The following SLC4A4 variants were observed in gnomAD, a reference collection of about 807,000 sequenced individuals.
SLC4A4 encodes the protein electrogenic sodium bicarbonate cotransporter 1.
A neutral mutation model predicts 111.5 loss-of-function variants in SLC4A4; 27 were observed. The ratio of observed to expected loss-of-function variants is 0.24; its 90% CI spans 0.18 to 0.33. The LOEUF is 0.33. Among genes scored for constraint, SLC4A4 ranks in the 10% least tolerant of loss-of-function variants. The pLI, the probability that SLC4A4 is intolerant of heterozygous loss-of-function variation, is 1.00. For missense variants in SLC4A4, 909 were observed against 1,315.5 expected (o/e 0.69, Z 4.78); for synonymous variants, 443 against 463.4 (o/e 0.96, Z 0.57).
chr4:71,421,117 C>T (rs1722433177), intron 7 of SLC4A4, among the ~76,000 whole-genome samples: 1 of 150,176 alleles, frequency 6.7e-6, no homozygotes, highest in Non-Finnish European at 1.5e-5. Context: ...CACACATAGG[C>T]TCAAAATAAA....
chr4:71,186,429 C>T (rs1745451192), upstream of SLC4A4, among the ~76,000 whole-genome samples: 1 of 152,234 alleles, frequency 6.6e-6, no homozygotes, highest in Admixed American at 6.5e-5. Context: ...CATGAAAGCA[C>T]AGGCTCTCCC....
At chr4:71,121,821 C>T (rs578115745) in intron 2 of SLC4A4, among the ~76,000 whole-genome samples, 10 of 152,256 alleles carry the variant, frequency 6.6e-5, no homozygotes, top group South Asian at 2.1e-4. Flanking sequence ...CAATAAATCT[C>T]GCTGCTGCTC....
At chr4:71,145,656 T>A (rs1205602838) in intron 2 of SLC4A4, among the ~76,000 whole-genome samples, 2 of 152,232 alleles carry the variant, frequency 1.3e-5, no homozygotes, top group African/African-American at 4.8e-5. Flanking sequence ...AGATTCAACT[T>A]CTTCCTGGTT....
intron 20 of SLC4A4, among the ~76,000 whole-genome samples, chr4:71,548,762 A>G (rs1735751331): frequency 6.6e-6 from 1 of 151,942 alleles, no homozygotes; most frequent in Non-Finnish European, 1.5e-5. Flanking sequence ...ACAATATAGA[A>G]GTACACATAG....
chr4:71,560,208 A>G lies in SLC4A4; in HGVS notation c.3053A>G (p.Lys1018Arg). ...GACAAGAAAAAGAAGGAGGATGAGAAGAAAAAGAAAAAGAAGAAGGGAAGT... is the reference window on the plus strand; with the variant it reads ...GACAAGAAAAAGAAGGAGGATGAGAGGAAAAAGAAAAAGAAGAAGGGAAGT... ...EKDKKKKEDE[K>R]KKKKKKGSLD... Residue 1018 changes from lysine to arginine, a missense_variant, in exon 23 of 26, where the codon AAG becomes AGG. Physicochemically the swap from Lys to Arg is conservative, Grantham distance 26. This residue lies in a region of SLC4A4 where 85 missense variants were observed against 79.8 expected (regional missense o/e 1.07). Coordinates refer to ENST00000264485, the MANE Select transcript of SLC4A4 (RefSeq NM_001098484.3). 1 of 1,610,438 alleles carries G rather than the reference A, an allele frequency of 6.2e-7. No homozygotes were observed. The highest frequency in any genetic ancestry group is 8.5e-7 in the Non-Finnish European group (1 of 1,177,754).
chr4:71,450,840 T>G (rs898466354), intron 10 of SLC4A4, among the ~76,000 whole-genome samples: 1 of 152,246 alleles, frequency 6.6e-6, no homozygotes, highest in Non-Finnish European at 1.5e-5. Flanking sequence ...CCCCTGTATA[T>G]CTGGAAACAT....
At chr4:71,559,220 G>A (rs1443577933) in intron 22 of SLC4A4, among the ~76,000 whole-genome samples, 1 of 151,826 alleles carries the variant, frequency 6.6e-6, no homozygotes, top group Middle Eastern at 3.2e-3. Context: ...AGCAAGTCAG[G>A]ATGCCTATAA....
intron 7 of SLC4A4, among the ~76,000 whole-genome samples, chr4:71,430,087 GGAGA>G (rs969231965): frequency 1.3e-5 from 2 of 152,098 alleles, no homozygotes; most frequent in African/African-American, 4.8e-5. Context: ...CAAAATTATG[GGAGA>G]GATTTTTAAA....
chr4:71,142,988 T>G (rs2148967282), intron 2 of SLC4A4, among the ~76,000 whole-genome samples: 1 of 152,084 alleles, frequency 6.6e-6, no homozygotes, highest in African/African-American at 2.4e-5. Context: ...AGGGTACATG[T>G]GCACAACCTG....
chr4:71,160,037 T>C (rs1228430396), intron 2 of SLC4A4, among the ~76,000 whole-genome samples: 1 of 151,104 alleles, frequency 6.6e-6, no homozygotes, highest in African/African-American at 2.4e-5. Flanking sequence ...TATGCCAGAC[T>C]TTCTAAGCAC....
chr4:71,387,063 G>A (rs1439814777), intron 6 of SLC4A4, among the ~76,000 whole-genome samples: 2 of 152,122 alleles, frequency 1.3e-5, no homozygotes, highest in African/African-American at 2.4e-5. Flanking sequence ...TGCCCAATGG[G>A]GTAGTGTTAT....
At chr4:71,226,596 A>C (rs1182689430) in intron 1 of SLC4A4, among the ~76,000 whole-genome samples, 1 of 152,174 alleles carries the variant, frequency 6.6e-6, no homozygotes, top group African/African-American at 2.4e-5. Context: ...ATTCAACCAT[A>C]AACATAATAC....
chr4:71,311,269 A>G (rs1305815600), intron 3 of SLC4A4, among the ~76,000 whole-genome samples: 1 of 152,180 alleles, frequency 6.6e-6, no homozygotes, highest in Non-Finnish European at 1.5e-5. Context: ...CCCACTGTCA[A>G]TATTAGACAG....
At chr4:71,402,849 C>A (rs1400112678) in intron 7 of SLC4A4, among the ~76,000 whole-genome samples, 1 of 152,190 alleles carries the variant, frequency 6.6e-6, no homozygotes, top group Admixed American at 6.5e-5. Context: ...AGATAATTAA[C>A]AAAACATGTC....
intron 8 of SLC4A4, among the ~76,000 whole-genome samples, chr4:71,442,888 G>A (rs957108276): frequency 1.1e-4 from 17 of 151,480 alleles, no homozygotes; most frequent in Non-Finnish European, 1.9e-4. Flanking sequence ...ATCTGTTTTA[G>A]CCTCCACTTA....
At chr4:71,546,722 T>C (rs1735557960) in intron 19 of SLC4A4, among the ~76,000 whole-genome samples, 194 bp downstream of exon 19, 2 of 152,114 alleles carry the variant, frequency 1.3e-5, no homozygotes, top group East Asian at 3.9e-4. Context: ...CCTCATGATA[T>C]ATCATTTTCA....
intron 1 of SLC4A4, among the ~76,000 whole-genome samples, chr4:71,200,440 T>C (rs1349826145): frequency 6.6e-6 from 1 of 152,244 alleles, no homozygotes; most frequent in Non-Finnish European, 1.5e-5. Flanking sequence ...ATTTTCGCTC[T>C]TGTTCATCTG....
intron 2 of SLC4A4, among the ~76,000 whole-genome samples, chr4:71,122,091 C>T (rs537517982): frequency 2.0e-4 from 31 of 152,170 alleles, no homozygotes; most frequent in African/African-American, 7.2e-4. Context: ...TCAGAAGGAA[C>T]AAACTCCGGA....
chr4:71,303,251 T>C (rs1686003819), intron 3 of SLC4A4, among the ~76,000 whole-genome samples: 1 of 152,244 alleles, frequency 6.6e-6, no homozygotes, highest in African/African-American at 2.4e-5. Flanking sequence ...TATTGATTAC[T>C]CATGTAATGC....
Sources: allele counts gnomAD v4.1 joint callset (sites outside exome capture counted in the v4.1 genomes callset), GRCh38; gene constraint gnomAD v4.1.1; regional missense constraint gnomAD v4.1.1; transcripts MANE v1.5; gene names NCBI Gene and HGNC (gene_info 2026-07-23, HGNC 2026-07-21).